Variants in AGRN observed in about 807,000 individuals in gnomAD.
AGRN encodes the protein agrin.
Under a neutral mutation model 211.0 loss-of-function variants are expected in AGRN, and 106 were observed. The ratio of observed to expected loss-of-function variants is 0.50; its 90% confidence interval spans 0.43 to 0.59. AGRN has a LOEUF of 0.59. Ranked by LOEUF, AGRN falls within the 20% of genes least tolerant of loss-of-function variation. The pLI is 0.00. For synonymous variants in AGRN, 1,525 were observed against 1,332.5 expected (o/e 1.14, Z -3.15); for missense variants, 3,040 against 2,982.6 (o/e 1.02, Z -0.45).
At chr1:1,027,377 G>A (rs114948506) in intron 2 of AGRN, among the ~76,000 whole-genome samples, 1,988 of 152,320 alleles carry the variant, frequency 0.013, 49 homozygotes, top group African/African-American at 0.044. Context: ...GGTTCAGCCC[G>A]GGCTGGTGCT....
chr1:1,036,803 C>T (rs1644815305), intron 3 of AGRN, among the ~76,000 whole-genome samples: 2 of 152,306 alleles, frequency 1.3e-5, no homozygotes, highest in East Asian at 3.9e-4. Context: ...GGAGACCGGT[C>T]TGCGTGGCCA....
At chr1:1,049,119 G>A (rs1194933354) in intron 24 of AGRN, 60 bp downstream of exon 24, 1 of 995,384 alleles carries the variant, frequency 1.0e-6, no homozygotes, top group East Asian at 3.2e-5. Context: ...GACGGGCGGG[G>A]GAGGGGGGGC....
intron 33 of AGRN, chr1:1,053,319 C>G (rs1392763117): frequency 1.4e-6 from 1 of 715,054 alleles, no homozygotes; most frequent in Non-Finnish European, 2.0e-6. Context: ...CTGCTGGGCT[C>G]TTTGGTGGGC....
Position 1,020,156 on chromosome 1 carries a change from C to T in AGRN, c.-17C>T, listed in dbSNP as rs1570123949. The T allele has an allele frequency of 2.3e-6, 3 of 1,279,668 alleles. No homozygotes were observed. The highest frequency in any genetic ancestry group is 3.0e-6 in the Non-Finnish European group (3 of 1,002,158). 79.3% of individuals were successfully genotyped at this position (1,279,668 alleles called of 1,614,324 possible). On this transcript the variant is annotated 5_prime_UTR_variant, in exon 1 of 36. Transcript: ENST00000379370. ...CGGCGCGGCCCGCGCGCTCCTCCGCCGCCTCTCGCCTGCGCCATGGCCGGC... is the reference window on the plus strand; with the variant it reads ...CGGCGCGGCCCGCGCGCTCCTCCGCTGCCTCTCGCCTGCGCCATGGCCGGC...
chr1:1,045,996 C>G lies in AGRN; in HGVS notation c.2713C>G (p.Arg905Gly), dbSNP rs199593375. The G allele has an allele frequency of 3.2e-5, 52 of 1,613,818 alleles. No individual in the cohort carries two copies. The highest frequency in any genetic ancestry group is 4.2e-5 in the Non-Finnish European group (49 of 1,180,026). Residue 905 changes from arginine (R) to glycine (G), a missense_variant, in exon 16 of 36, where the codon CGC becomes GGC. Physicochemically the swap from Arg to Gly is moderately radical, Grantham distance 125. Around this residue, in one of 3 missense-constraint regions of AGRN, gnomAD observed 1,498 missense variants for 1,457.8 expected, o/e 1.03. Coordinates refer to ENST00000379370, the MANE Select transcript of AGRN (RefSeq NM_198576.4). Reference protein sequence around the residue: ...ASAPATCAEMRCEFGARCVEE... With the variant: ...ASAPATCAEMGCEFGARCVEE... The stretch of plus-strand genomic sequence containing the variant: ...TGCGCCTGCGACCTGTGCGGAGATG[C>G]GCTGTGAGTTCGGTGCGCGGTGCGT...
chr1:1,045,573 T>G (rs753757303), intron 14 of AGRN, 50 bp downstream of exon 14: 2 of 1,606,102 alleles, frequency 1.2e-6, no homozygotes. Context: ...TCCTACCTGT[T>G]CACCCCCATC....
rs758004472 is a variant in AGRN at position 1,047,168 on chromosome 1, C to T, written c.3389-159C>T. ...TGCTCTGAGGAGTCCTCCTGGTAAC[C>T]GACACCAGCCCCACCCTGGGGTCCC... On this transcript the variant is annotated intron_variant, in intron 19 of 35. Transcript: ENST00000379370. 191 of 1,367,416 alleles carry T rather than the reference C, an allele frequency of 1.4e-4. No homozygotes were observed. The East Asian group carries it at 3.2e-3, about 23-fold the overall frequency. 84.7% of individuals were successfully genotyped at this position (1,367,416 alleles called of 1,614,324 possible).
intron 34 of AGRN, 142 bp from the exon 35 acceptor site, chr1:1,054,306 C>T: frequency 2.5e-6 from 2 of 787,174 alleles, no homozygotes; most frequent in South Asian, 1.7e-5. Context: ...AAGGCCACCT[C>T]ATCCTTGCCC....
intron 3 of AGRN, among the ~76,000 whole-genome samples, chr1:1,039,259 G>A (rs571695500): frequency 6.6e-6 from 1 of 152,048 alleles, no homozygotes; most frequent in South Asian, 2.1e-4. Flanking sequence ...GGGGAGCATG[G>A]GTAGGTTGCA....
At chr1:1,036,154 T>C (rs1214665587) in intron 3 of AGRN, among the ~76,000 whole-genome samples, 1 of 151,860 alleles carries the variant, frequency 6.6e-6, no homozygotes, top group Non-Finnish European at 1.5e-5. Flanking sequence ...GACCAGCACA[T>C]GGGGTGGGAA....
Position 1,040,805 on chromosome 1 carries a change from A to G in AGRN, c.652A>G (p.Ser218Gly), listed in dbSNP as rs1473934268. 1 of 1,538,734 alleles carries G rather than the reference A, an allele frequency of 6.5e-7. No homozygotes were observed. Among genetic ancestry groups the G allele is most frequent in the Non-Finnish European group, 8.7e-7 (1 of 1,147,882 alleles). The change falls in exon 4 of 36, where the codon AGC becomes GGC. Residue 218 changes from serine (S) to glycine (G), a missense_variant. Coordinates refer to ENST00000379370, the MANE Select transcript of AGRN (RefSeq NM_198576.4). Reference protein sequence around the residue: ...PVCGSDASTYSNECELQRAQC... With the variant: ...PVCGSDASTYGNECELQRAQC... ...GTGTGGGTCGGACGCCTCCACCTACAGCAACGAATGCGAGCTGCAGCGGGC... is the reference window on the plus strand; with the variant it reads ...GTGTGGGTCGGACGCCTCCACCTACGGCAACGAATGCGAGCTGCAGCGGGC...
intron 2 of AGRN, among the ~76,000 whole-genome samples, chr1:1,025,284 C>T (rs963633651): frequency 6.6e-5 from 10 of 152,162 alleles, no homozygotes; most frequent in Non-Finnish European, 1.5e-4. Context: ...TAGTCCCGGG[C>T]CCGCCTGTAT....
chr1:1,043,915 G>A lies in AGRN; in HGVS notation c.1891G>A (p.Val631Met), dbSNP rs748716996. 1.9e-5 allele frequency: 30 copies of A among 1,610,074 alleles called. No homozygotes were observed. The highest frequency in any genetic ancestry group is 3.3e-4 in the Middle Eastern group (2 of 6,082). ...GTGTGAGCACCCCCCGCCCGGCCCC[G>A]TGTGTGGCAGCGACGGTGTCACCTA... ...PRCEHPPPGP[V>M]CGSDGVTYGS... The change falls in exon 10 of 36, where the codon GTG (valine) becomes ATG (methionine). Residue 631 changes from valine (V) to methionine (M), a missense_variant. Around this residue, in one of 3 missense-constraint regions of AGRN, gnomAD observed 1,498 missense variants for 1,457.8 expected, o/e 1.03. Transcript: ENST00000379370.
At position 1,049,641 on chromosome 1, in the gene AGRN, G is replaced by A. The variant is rs995701233; in HGVS notation, c.4590G>A (p.Leu1530=). 4 of 1,587,248 alleles carry A rather than the reference G, an allele frequency of 2.5e-6. No individual in the cohort carries two copies. The African/African-American group carries it at 4.0e-5, about 16-fold the overall frequency. Residue 1530 remains leucine (L), a synonymous_variant, in exon 26 of 36, where the codon CTG becomes CTA. Transcript: ENST00000379370. The part of the protein sequence containing the change: ...IRLLDVNNQR[L]ELGIGPGAAT... ...TGCTGGACGTCAACAACCAGCGCCT[G>A]GAGCTTGGCATTGGGCCGGGGGCTG...
intron 4 of AGRN, 125 bp from the exon 5 acceptor site, chr1:1,041,040 AGCGGGGGC>A: frequency 2.1e-6 from 1 of 477,140 alleles, no homozygotes; most frequent in Admixed American, 7.0e-5. Context: ...GCGGGGCGGG[AGCGGGGGC>A]GGGGCCTGCG....
At position 1,041,294 on chromosome 1, in the gene AGRN, C is replaced by T. The variant is rs1405014962; in HGVS notation, c.849C>T (p.Thr283=). Residue 283 remains threonine (T), a synonymous_variant, in exon 5 of 36, where the codon ACC becomes ACT. Transcript: ENST00000379370. The stretch of plus-strand genomic sequence containing the variant: ...CCTGCCGTGGCGCCCCCGAGGGGAC[C>T]GTCTGCGGCAGCGACGGCGCCGACT... ...PATCRGAPEG[T]VCGSDGADYP... is the part of the protein sequence containing the mutation. 2.0e-6 allele frequency: 3 copies of T among 1,515,724 alleles called. No individual in the cohort carries two copies. Among genetic ancestry groups the T allele is most frequent in the Non-Finnish European group, 2.6e-6 (3 of 1,137,920 alleles). The allele number at this position is 1,515,724 out of a possible 1,614,324, so 93.9% of individuals were successfully genotyped here.
intron 2 of AGRN, 115 bp downstream of exon 2, chr1:1,022,577 A>G (rs1432105654): frequency 4.3e-6 from 3 of 693,372 alleles, no homozygotes; most frequent in Non-Finnish European, 5.8e-6. Flanking sequence ...AGGCTGCAGC[A>G]CACGGTGTCT....
Position 1,046,883 on chromosome 1 carries a change from G to T in AGRN, c.3314G>T (p.Cys1105Phe). 6.3e-7 allele frequency: 1 copy of T among 1,586,940 alleles called. No homozygotes were observed. Among genetic ancestry groups the T allele is most frequent in the Non-Finnish European group, 8.6e-7 (1 of 1,168,148 alleles). The change falls in exon 19 of 36, where the codon TGC becomes TTC. Residue 1105 changes from cysteine to phenylalanine, a missense_variant. Physicochemically the swap from Cys to Phe is radical, Grantham distance 205 (BLOSUM62 -2). Coordinates refer to ENST00000379370, the MANE Select transcript of AGRN (RefSeq NM_198576.4). ...TPGPPVERAS[C>F]YNSALGCCSD... ...GGGCCACCTGTCGAGAGGGCTTCCT[G>T]CTACAACTCCGCGTTGGGCTGCTGC...
In AGRN at chr1:1,048,050, G is replaced by A. The variant is rs973444656; in HGVS notation, c.3790G>A (p.Ala1264Thr). Reference protein sequence around the residue: ...PAFITGATSGAIAAGATARAT... With the variant: ...PAFITGATSGTIAAGATARAT... ...GTTTATCACGGGGGCCACGTCAGGA[G>A]CCATTGCTGCGGGAGCCACGGCCAG... The change falls in exon 23 of 36, where the codon GCC becomes ACC. Residue 1264 changes from alanine to threonine, a missense_variant. Physicochemically the swap from Ala to Thr is moderately conservative, Grantham distance 58. Around this residue, in one of 3 missense-constraint regions of AGRN, gnomAD observed 1,537 missense variants for 1,505.0 expected, o/e 1.02. Transcript: ENST00000379370. The surrounding 1 kb of genome is among the most constrained non-coding windows in gnomAD (Gnocchi z 5.9). 6.3e-7 allele frequency: 1 copy of A among 1,585,934 alleles called. No individual in the cohort carries two copies. The highest frequency in any genetic ancestry group is 1.3e-5 in the African/African-American group (1 of 74,638).
Sources: gnomAD v4.1 joint callset for allele counts (sites outside exome capture counted in the v4.1 genomes callset) on GRCh38, gnomAD v4.1.1 for gene constraint, gnomAD v4.1.1 regional missense constraint, Gnocchi (gnomAD v3.1) non-coding constraint, MANE v1.5 for transcripts, NCBI Gene and HGNC (gene_info 2026-07-23, HGNC 2026-07-21) for gene names.